Variants in ZNF780A observed in about 807,000 individuals in gnomAD.
ZNF780A encodes zinc finger protein 780A.
A neutral mutation model predicts 56.7 loss-of-function variants in ZNF780A; 40 were observed. The ratio of observed to expected loss-of-function variants is 0.71; its 90% CI spans 0.55 to 0.92. The LOEUF is 0.92. Ranked by LOEUF, ZNF780A falls within the 40% of genes least tolerant of loss-of-function variation. The pLI, the probability that ZNF780A is intolerant of heterozygous loss-of-function variation, is 0.00. For missense variants in ZNF780A, 672 were observed against 783.3 expected, an observed-to-expected ratio of 0.86 and a Z score of 1.70; for synonymous variants, 231 against 248.3, an observed-to-expected ratio of 0.93 and a Z score of 0.66.
At chr19:40,080,676 G>A (rs992688880) in intron 5 of ZNF780A, among the ~76,000 whole-genome samples, 1 of 152,158 alleles carries the variant, frequency 6.6e-6, no homozygotes, top group Non-Finnish European at 1.5e-5. Flanking sequence ...GCCTACTTGA[G>A]AGTAGAGGGT....
chr19:40,069,590 A>C (rs1426177501), downstream of ZNF780A: 1 of 152,170 alleles, frequency 6.6e-6, no homozygotes, highest in Non-Finnish European at 1.5e-5. Flanking sequence ...GTTGGGGACC[A>C]TCTCTATAAT....
At position 40,073,910 on chromosome 19, in the gene ZNF780A, C is replaced by A; in HGVS notation, c.*606G>T. Reference sequence around the variant, plus strand: ...GACAGCTGATCATCCACAGCAAATGCTTTCCCATATTCCTTACATTATAGC... The same window carrying A: ...GACAGCTGATCATCCACAGCAAATGATTTCCCATATTCCTTACATTATAGC... On this transcript the variant is annotated 3_prime_UTR_variant, in exon 6 of 6. Transcript: ENST00000683561. The A allele has an allele frequency of 9.9e-7, 1 of 1,007,044 alleles. No homozygotes were observed. Among genetic ancestry groups the A allele is most frequent in the Non-Finnish European group, 1.2e-6 (1 of 841,820 alleles). 62.4% of individuals were successfully genotyped at this position (1,007,044 alleles called of 1,614,324 possible). A position where few individuals can be genotyped will look rare whatever the true frequency, so the allele number is the denominator to read the frequency against.
Position 40,076,154 on chromosome 19 carries a change from T to C in ZNF780A, c.288A>G (p.Glu96=), listed in dbSNP as rs1377216380. Residue 96 remains glutamate, a synonymous_variant, in exon 6 of 6, where the codon GAA becomes GAG. Transcript: ENST00000683561. ...TTATAACCTGTTTGGGTAAATTTACTTCAGAGGTATCATTTTCTGGAGATA... is the reference window on the plus strand; with the variant it reads ...TTATAACCTGTTTGGGTAAATTTACCTCAGAGGTATCATTTTCTGGAGATA... ...EKVSPENDTS[E]VNLPKQVIKQ... 1.3e-6 allele frequency: 2 copies of C among 1,589,946 alleles called. No homozygotes were observed. The highest frequency in any genetic ancestry group is 1.4e-5 in the African/African-American group (1 of 73,450).
At chr19:40,087,172 C>T (rs1007186556) in intron 2 of ZNF780A, among the ~76,000 whole-genome samples, 1 of 152,094 alleles carries the variant, frequency 6.6e-6, no homozygotes, top group Non-Finnish European at 1.5e-5. Context: ...TTATAGGACA[C>T]TTATTTTATA....
At chr19:40,077,395 C>A (rs1229380851) in intron 5 of ZNF780A, among the ~76,000 whole-genome samples, 1 of 152,020 alleles carries the variant, frequency 6.6e-6, no homozygotes, top group Admixed American at 6.6e-5. Flanking sequence ...TGTCACACAG[C>A]AAGAGAAGGA....
rs1453978468 is a variant in ZNF780A at position 40,074,701 on chromosome 19, C to A, written c.1741G>T (p.Gly581Cys). The A allele has an allele frequency of 6.2e-7, 1 of 1,614,124 alleles. No individual in the cohort carries two copies. The highest frequency in any genetic ancestry group is 2.2e-5 in the East Asian group (1 of 44,868). Residue 581 changes from glycine (G) to cysteine (C), a missense_variant, in exon 6 of 6, where the codon GGT becomes TGT. Coordinates refer to ENST00000683561, the MANE Select transcript of ZNF780A (RefSeq NM_001142578.2). ...TCCTTACATTCAAAGGGTTTCTCACCAGTATGCAATTTCTGATGTCGAATA... is the reference window on the plus strand; with the variant it reads ...TCCTTACATTCAAAGGGTTTCTCACAAGTATGCAATTTCTGATGTCGAATA... ...HLIRHQKLHTGEKPFECKECG... is the reference protein window; with the variant it reads ...HLIRHQKLHTCEKPFECKECG...
chr19:40,070,423 T>A (rs2144888394), downstream of ZNF780A: 1 of 152,346 alleles, frequency 6.6e-6, no homozygotes, highest in South Asian at 2.1e-4. Context: ...ATCTTCTGTT[T>A]CTTTGATTGT....
chr19:40,084,740 C>T lies in ZNF780A; in HGVS notation c.9+5G>A. 6.4e-7 allele frequency: 1 copy of T among 1,552,016 alleles called. No homozygotes were observed. On this transcript the variant is annotated splice_donor_5th_base_variant and intron_variant, in intron 3 of 5. Transcript: ENST00000683561. ...TTCAAGGAAAAGAGAGAAATACAAA[C>T]TTACATGGACCATGTTGCTAGAATT... is the stretch of plus-strand genomic sequence containing the variant.
chr19:40,074,906 A>T lies in ZNF780A; in HGVS notation c.1536T>A (p.Leu512=). 6.2e-7 allele frequency: 1 copy of T among 1,614,040 alleles called. No homozygotes were observed. The highest frequency in any genetic ancestry group is 1.1e-5 in the South Asian group (1 of 91,070). ...ECKECGKAFR[L]YLQLSQHQKT... ...TCTGATGTTGGGAAAGTTGTAGGTA[A>T]AGTCTAAAAGCCTTCCCACACTCCT... The change falls in exon 6 of 6, where the codon CTT becomes CTA. Residue 512 remains leucine (L), a synonymous_variant. Transcript: ENST00000683561.
At chr19:40,076,972 C>A (rs527897579) in intron 5 of ZNF780A, among the ~76,000 whole-genome samples, 24 of 152,136 alleles carry the variant, frequency 1.6e-4, no homozygotes, top group Non-Finnish European at 2.6e-4. Context: ...TTGTCCTGTT[C>A]ACTACTACTA....
chr19:40,076,266 A>G lies in ZNF780A; in HGVS notation c.233-57T>C, dbSNP rs945855026. On this transcript the variant is annotated intron_variant, in intron 5 of 5. Coordinates refer to ENST00000683561, the MANE Select transcript of ZNF780A (RefSeq NM_001142578.2). ...ATTTTCGTATAACACACATGCATAC[A>G]AAGTCCTTTTGTCAACTGAAACCAT... 10 of 1,477,208 alleles carry G rather than the reference A, an allele frequency of 6.8e-6. No individual in the cohort carries two copies. The African/African-American group carries it at 1.4e-4, about 21-fold the overall frequency. 91.5% of individuals were successfully genotyped at this position (1,477,208 alleles called of 1,614,324 possible).
At chr19:40,080,583 C>T (rs1022942724) in intron 5 of ZNF780A, among the ~76,000 whole-genome samples, 4 of 152,120 alleles carry the variant, frequency 2.6e-5, no homozygotes, top group African/African-American at 7.2e-5. Context: ...AACAGAAAAC[C>T]AAATACTACA....
At chr19:40,087,282 T>G (rs1305440502) in intron 2 of ZNF780A, among the ~76,000 whole-genome samples, 1 of 152,190 alleles carries the variant, frequency 6.6e-6, no homozygotes, top group African/African-American at 2.4e-5. Flanking sequence ...TGGATAATTC[T>G]TAGATGGGAG....
chr19:40,080,296 T>G (rs973504110), intron 5 of ZNF780A, among the ~76,000 whole-genome samples: 11 of 152,174 alleles, frequency 7.2e-5, no homozygotes, highest in Non-Finnish European at 1.3e-4. Flanking sequence ...ACTCTTTCTA[T>G]GGAGCTGGCA....
rs1356417682 is a variant in ZNF780A, at chr19:40,073,419, C to T, written c.*1097G>A. 2 of 548,156 alleles carry T rather than the reference C, an allele frequency of 3.6e-6. No individual in the cohort carries two copies. The highest frequency in any genetic ancestry group is 1.5e-4 in the East Asian group (1 of 6,838). 34.0% of individuals were successfully genotyped at this position (548,156 alleles called of 1,614,324 possible). A position where few individuals can be genotyped will look rare whatever the true frequency, so the allele number is the denominator to read the frequency against. On this transcript the variant is annotated 3_prime_UTR_variant, in exon 6 of 6. Coordinates refer to ENST00000683561, the MANE Select transcript of ZNF780A (RefSeq NM_001142578.2). ...ATGTGACATAAAGACATGAAATGCA[C>T]ACCTGACGTTGGGAAAATGGACCTG... is the stretch of plus-strand genomic sequence containing the variant.
intron 5 of ZNF780A, among the ~76,000 whole-genome samples, chr19:40,078,329 G>A (rs924909176): frequency 4.6e-5 from 7 of 152,012 alleles, no homozygotes; most frequent in Non-Finnish European, 1.0e-4. Flanking sequence ...GAAATTTTGA[G>A]GTCCCAGAGA....
intron 5 of ZNF780A, among the ~76,000 whole-genome samples, chr19:40,077,977 C>G (rs766093078): frequency 6.8e-6 from 1 of 146,162 alleles, no homozygotes; most frequent in African/African-American, 2.5e-5. Flanking sequence ...TATATCCTAG[C>G]AAAAGAATTC....
At chr19:40,083,584 A>G (rs565757517) in intron 3 of ZNF780A, among the ~76,000 whole-genome samples, 1 of 150,456 alleles carries the variant, frequency 6.6e-6, no homozygotes, top group South Asian at 2.1e-4. Flanking sequence ...GTATTGCTTG[A>G]GCCCAGGAGT....
chr19:40,076,583 T>C (rs1303592480), intron 5 of ZNF780A, among the ~76,000 whole-genome samples: 1 of 152,196 alleles, frequency 6.6e-6, no homozygotes, highest in Non-Finnish European at 1.5e-5. Context: ...TACTGGCATA[T>C]ACAAGAAAAT....
Sources: gnomAD v4.1 joint callset for allele counts (sites outside exome capture counted in the v4.1 genomes callset) on GRCh38, gnomAD v4.1.1 for gene constraint, MANE v1.5 for transcripts, NCBI Gene and HGNC (gene_info 2026-07-23, HGNC 2026-07-21) for gene names.